The following IQCM variants were observed in gnomAD, a reference collection of about 807,000 sequenced individuals.
IQCM encodes the protein IQ motif containing M.
A neutral mutation model predicts 57.6 loss-of-function variants in IQCM; 45 were observed. That is an observed-to-expected ratio of 0.78 (90% CI 0.62 to 1.00). IQCM has a LOEUF of 1.00. Ranked by LOEUF, IQCM falls within the 50% of genes least tolerant of loss-of-function variation. The pLI, the probability that IQCM is intolerant of heterozygous loss-of-function variation, is 0.00. For synonymous variants in IQCM, 148 were observed against 158.9 expected (o/e 0.93, Z 0.51); for missense variants, 468 against 511.6 (o/e 0.91, Z 0.82).
At chr4:149,458,765 G>T (rs963104517) in intron 12 of IQCM, among the ~76,000 whole-genome samples, 3 of 152,098 alleles carry the variant, frequency 2.0e-5, no homozygotes, top group Non-Finnish European at 2.9e-5. Context: ...TCCATGTGGT[G>T]AGGAATAGAA....
chr4:149,654,152 A>T (rs1044461180), intron 7 of IQCM, among the ~76,000 whole-genome samples: 2 of 152,182 alleles, frequency 1.3e-5, no homozygotes, highest in African/African-American at 4.8e-5. Context: ...ATCAGCTAGT[A>T]AGTGGATATG....
intron 13 of IQCM, among the ~76,000 whole-genome samples, chr4:149,374,339 T>G (rs1250034599): frequency 1.3e-5 from 2 of 152,182 alleles, no homozygotes; most frequent in African/African-American, 4.8e-5. Flanking sequence ...GATACAGTAT[T>G]CATTGTTTAA....
chr4:149,544,620 C>A (rs983746532), intron 12 of IQCM, among the ~76,000 whole-genome samples: 6 of 152,024 alleles, frequency 3.9e-5, no homozygotes, highest in Non-Finnish European at 7.4e-5. Context: ...AAGCTAGTGG[C>A]AACACATTTC....
chr4:149,774,696 T>A (rs1322910375), intron 2 of IQCM, among the ~76,000 whole-genome samples: 1 of 151,262 alleles, frequency 6.6e-6, no homozygotes, highest in Non-Finnish European at 1.5e-5. Flanking sequence ...CCTCCCTCTG[T>A]CTCTGTACGA....
intron 12 of IQCM, among the ~76,000 whole-genome samples, chr4:149,486,102 G>A (rs1474332703): frequency 1.3e-5 from 2 of 149,502 alleles, no homozygotes; most frequent in African/African-American, 2.5e-5. Flanking sequence ...GCTGGAGGTA[G>A]ACTGACACAA....
intron 13 of IQCM, among the ~76,000 whole-genome samples, chr4:149,396,062 G>A (rs1370872228): frequency 1.3e-5 from 2 of 151,706 alleles, no homozygotes; most frequent in East Asian, 3.9e-4. Context: ...ACAGATAAAG[G>A]TCAACATGTC....
chr4:149,724,078 G>A (rs753915538), intron 5 of IQCM, among the ~76,000 whole-genome samples: 2 of 151,916 alleles, frequency 1.3e-5, no homozygotes, highest in Non-Finnish European at 2.9e-5. Context: ...TAGTTTGTGT[G>A]CATAGAGGTG....
At chr4:149,779,126 C>A (rs1771369995) in intron 2 of IQCM, among the ~76,000 whole-genome samples, 1 of 152,112 alleles carries the variant, frequency 6.6e-6, no homozygotes, top group African/African-American at 2.4e-5. Flanking sequence ...AAATTACACA[C>A]CATGATCAAG....
chr4:149,696,693 C>T (rs1284162005), intron 5 of IQCM, among the ~76,000 whole-genome samples: 2 of 152,080 alleles, frequency 1.3e-5, no homozygotes, highest in East Asian at 3.9e-4. Context: ...TTTGAGTTAG[C>T]CAGAGCAGTT....
intron 5 of IQCM, among the ~76,000 whole-genome samples, chr4:149,712,701 T>A (rs1764663318): frequency 6.6e-6 from 1 of 152,056 alleles, no homozygotes; most frequent in Admixed American, 6.5e-5. Context: ...ATGGAAGGTG[T>A]TTTTCAGGAG....
chr4:149,670,380 G>A (rs1267969856), intron 7 of IQCM, among the ~76,000 whole-genome samples: 1 of 152,150 alleles, frequency 6.6e-6, no homozygotes, highest in Non-Finnish European at 1.5e-5. Context: ...ATTTTGGGCT[G>A]AGATGATGGG....
chr4:149,376,375 G>T (rs1166190217), intron 13 of IQCM, among the ~76,000 whole-genome samples: 1 of 152,000 alleles, frequency 6.6e-6, no homozygotes, highest in Non-Finnish European at 1.5e-5. Context: ...TTTAAATAAT[G>T]GGATTTTATA....
chr4:149,705,013 G>T (rs1353420556), intron 5 of IQCM, among the ~76,000 whole-genome samples: 1 of 151,454 alleles, frequency 6.6e-6, no homozygotes, highest in African/African-American at 2.4e-5. Flanking sequence ...TGGTTCTAAG[G>T]CCTTCAGACT....
chr4:149,399,623 A>G (rs1009576727), intron 13 of IQCM, among the ~76,000 whole-genome samples: 6 of 152,122 alleles, frequency 3.9e-5, no homozygotes, highest in Non-Finnish European at 8.8e-5. Context: ...CTGTTCTTCA[A>G]AAATGGGCAA....
chr4:149,501,223 A>G (rs1365252799), intron 12 of IQCM, among the ~76,000 whole-genome samples: 1 of 152,164 alleles, frequency 6.6e-6, no homozygotes, highest in African/African-American at 2.4e-5. Flanking sequence ...AGCTGCAGAA[A>G]TATTTTTCCC....
chr4:149,630,036 C>T (rs1254926159), intron 7 of IQCM, among the ~76,000 whole-genome samples: 1 of 152,098 alleles, frequency 6.6e-6, no homozygotes, highest in African/African-American at 2.4e-5. Flanking sequence ...AGTGAGAACT[C>T]CTATTACCTT....
Position 149,433,430 on chromosome 4 carries a change from G to A in IQCM, c.1356C>T (p.Pro452=). ...TATAACCTTCTTCCCCATTTACTATGGGTCTCAACCAAGTCGACTTGAGTA... is the reference window on the plus strand; with the variant it reads ...TATAACCTTCTTCCCCATTTACTATAGGTCTCAACCAAGTCGACTTGAGTA... ...STLLKSTWLR[P]IVNGEEGYRY... is the part of the protein sequence containing the mutation. The change falls in exon 13 of 14, where the codon CCC becomes CCT. Residue 452 remains proline, a synonymous_variant. Coordinates refer to ENST00000636793, the MANE Select transcript of IQCM (RefSeq NM_001363507.2). 1 of 1,226,152 alleles carries A rather than the reference G, an allele frequency of 8.2e-7. No individual in the cohort carries two copies. The highest frequency in any genetic ancestry group is 1.0e-6 in the Non-Finnish European group (1 of 982,932). 76.0% of individuals were successfully genotyped at this position (1,226,152 alleles called of 1,614,324 possible).
chr4:149,727,853 C>T lies in IQCM; in HGVS notation c.385+5391G>A, dbSNP rs10017385. On this transcript the variant is annotated intron_variant, in intron 5 of 13. Coordinates refer to ENST00000636793, the MANE Select transcript of IQCM (RefSeq NM_001363507.2). ...GGTGATGAATGAGAAGTGTTTGACA[C>T]GGCCTGCATGCAGTGGTGTGCTGCA... Among the ~76,000 whole-genome samples, 1,176 of 152,304 alleles carry T rather than the reference C, an allele frequency of 7.7e-3. 16 individuals are homozygous for T. Among genetic ancestry groups the T allele is most frequent in the African/African-American group, 0.023 (939 of 41,560 alleles).
chr4:149,482,473 G>A (rs1489397192), intron 12 of IQCM, among the ~76,000 whole-genome samples: 2 of 151,844 alleles, frequency 1.3e-5, no homozygotes, highest in African/African-American at 4.8e-5. Context: ...AATTATTGGA[G>A]GTTTTTTATC....
Sources: gnomAD v4.1 joint callset for allele counts (sites outside exome capture counted in the v4.1 genomes callset) on GRCh38, gnomAD v4.1.1 for gene constraint, MANE v1.5 for transcripts, NCBI Gene and HGNC (gene_info 2026-07-23, HGNC 2026-07-21) for gene names.